EPHA6: variants seen among roughly 807,000 people sequenced by gnomAD.
EPHA6 encodes ephrin type-A receptor 6.
A neutral mutation model predicts 112.0 loss-of-function variants in EPHA6; 50 were observed. The observed-to-expected ratio is 0.45, with a 90% CI of 0.36 to 0.56. The LOEUF (loss-of-function observed/expected upper bound fraction) is 0.56. Among genes scored for constraint, EPHA6 ranks in the 20% least tolerant of loss-of-function variants. The pLI is 0.00. For missense variants in EPHA6, 1,280 were observed against 1,417.4 expected (o/e 0.90, Z 1.56); for synonymous variants, 529 against 490.7 (o/e 1.08, Z -1.03).
At chr3:97,668,740 C>T (rs971537581) in intron 14 of EPHA6, among the ~76,000 whole-genome samples, 5 of 151,362 alleles carry the variant, frequency 3.3e-5, no homozygotes, top group Non-Finnish European at 7.4e-5. Context: ...ATGGCAAAAA[C>T]CTGTCTCTAC....
intron 5 of EPHA6, among the ~76,000 whole-genome samples, chr3:97,287,481 C>A (rs867954388): frequency 4.7e-5 from 7 of 150,390 alleles, no homozygotes; most frequent in South Asian, 2.1e-4. Flanking sequence ...AAAAAAAAAA[C>A]AAACAAAACA....
At chr3:97,484,591 C>G (rs934249740) in intron 10 of EPHA6, among the ~76,000 whole-genome samples, 3 of 152,008 alleles carry the variant, frequency 2.0e-5, no homozygotes, top group African/African-American at 7.3e-5. Context: ...TGTAAATCAC[C>G]CCACAGGAAT....
chr3:97,375,545 T>C (rs1393904472), intron 5 of EPHA6, among the ~76,000 whole-genome samples: 5 of 152,150 alleles, frequency 3.3e-5, no homozygotes. Context: ...AATTTTTTTC[T>C]AACTATAAAA....
At chr3:97,233,463 A>T (rs1477155224) in intron 4 of EPHA6, among the ~76,000 whole-genome samples, 3 of 152,172 alleles carry the variant, frequency 2.0e-5, no homozygotes, top group Non-Finnish European at 4.4e-5. Flanking sequence ...GTCCAGCAAG[A>T]TATAGAACTT....
At chr3:97,584,351 G>C (rs2093468653) in intron 11 of EPHA6, among the ~76,000 whole-genome samples, 3 of 152,178 alleles carry the variant, frequency 2.0e-5, no homozygotes, top group Admixed American at 2.0e-4. Context: ...AAAGTCACCA[G>C]CTGGCAGCCC....
chr3:96,913,863 T>C (rs1265111751), intron 2 of EPHA6, among the ~76,000 whole-genome samples: 1 of 152,162 alleles, frequency 6.6e-6, no homozygotes, highest in Non-Finnish European at 1.5e-5. Context: ...TCTGAATGCA[T>C]TTAAAAAACA....
At chr3:97,484,130 A>G (rs2091638171) in intron 10 of EPHA6, 71 bp downstream of exon 10, 7 of 1,385,816 alleles carry the variant, frequency 5.1e-6, no homozygotes, top group Middle Eastern at 1.8e-4. Context: ...TCAACATACT[A>G]TCTTAAATCT....
intron 5 of EPHA6, among the ~76,000 whole-genome samples, chr3:97,282,650 G>C (rs1235103261): frequency 6.6e-6 from 1 of 152,120 alleles, no homozygotes; most frequent in South Asian, 2.1e-4. Context: ...GGAATACTGT[G>C]TAGCCATAAA....
chr3:96,843,733 G>A (rs892992807), intron 1 of EPHA6, among the ~76,000 whole-genome samples: 1 of 151,952 alleles, frequency 6.6e-6, no homozygotes, highest in African/African-American at 2.4e-5. Flanking sequence ...GCTAACTTGA[G>A]GGTATATGGA....
chr3:97,243,865 C>T (rs1204891012), intron 4 of EPHA6, 87 bp from the exon 5 acceptor site: 1 of 974,766 alleles, frequency 1.0e-6, no homozygotes, highest in Non-Finnish European at 1.5e-6. Flanking sequence ...AAAAGAGCAA[C>T]AAGTGTTTAT....
At chr3:96,836,233 A>G (rs1467783331) in intron 1 of EPHA6, among the ~76,000 whole-genome samples, 1 of 152,120 alleles carries the variant, frequency 6.6e-6, no homozygotes, top group Non-Finnish European at 1.5e-5. Flanking sequence ...GTCCATTAAT[A>G]TTTAACCTGA....
At chr3:97,479,037 G>C (rs57832626) in intron 8 of EPHA6, among the ~76,000 whole-genome samples, 1 of 151,914 alleles carries the variant, frequency 6.6e-6, no homozygotes, top group Non-Finnish European at 1.5e-5. Flanking sequence ...GTCATGTAAG[G>C]GATGGTTATG....
chr3:97,336,371 A>AT (rs2083057976), intron 5 of EPHA6, among the ~76,000 whole-genome samples: 1 of 152,100 alleles, frequency 6.6e-6, no homozygotes, highest in South Asian at 2.1e-4. Context: ...ATCAGTTATG[A>AT]TTTTTGCAAG....
At chr3:97,067,532 A>G (rs1407388075) in intron 3 of EPHA6, among the ~76,000 whole-genome samples, 7 of 141,626 alleles carry the variant, frequency 4.9e-5, no homozygotes, top group Non-Finnish European at 1.0e-4. Flanking sequence ...TGAAATTATC[A>G]GGAAAATATA....
chr3:97,563,788 T>C (rs1359192137), intron 11 of EPHA6, among the ~76,000 whole-genome samples: 1 of 152,212 alleles, frequency 6.6e-6, no homozygotes, highest in African/African-American at 2.4e-5. Context: ...TGTTTAGAGA[T>C]AGACTTGTAC....
chr3:96,975,342 C>G (rs564626308), intron 2 of EPHA6, among the ~76,000 whole-genome samples: 30 of 152,174 alleles, frequency 2.0e-4, no homozygotes, highest in African/African-American at 6.7e-4. Flanking sequence ...GTTTCTCCAC[C>G]CATACCATCT....
chr3:97,478,860 A>G (rs758406883), intron 8 of EPHA6, among the ~76,000 whole-genome samples: 26 of 152,010 alleles, frequency 1.7e-4, no homozygotes, highest in South Asian at 8.3e-4. Flanking sequence ...GGGAGACTAG[A>G]ACATGCCTCT....
chr3:97,492,649 T>C (rs147101317), intron 10 of EPHA6, among the ~76,000 whole-genome samples: 301 of 128,660 alleles, frequency 2.3e-3, no homozygotes, highest in African/African-American at 8.6e-3. Context: ...AAGTATAATA[T>C]ATAAGGTAGA....
intron 3 of EPHA6, among the ~76,000 whole-genome samples, chr3:97,092,069 A>G (rs1320263082): frequency 6.7e-6 from 1 of 150,040 alleles, no homozygotes; most frequent in African/African-American, 2.5e-5. Context: ...TTTAAATGCT[A>G]TATTTTGGTT....
Sources: gnomAD v4.1 joint callset for allele counts (sites outside exome capture counted in the v4.1 genomes callset) on GRCh38, gnomAD v4.1.1 for gene constraint, MANE v1.5 for transcripts, NCBI Gene and HGNC (gene_info 2026-07-23, HGNC 2026-07-21) for gene names.